Variants in XPO4 observed in about 807,000 individuals in gnomAD.
XPO4 encodes the protein exportin-4.
A neutral mutation model predicts 143.0 loss-of-function variants in XPO4; 39 were observed. The observed-to-expected ratio is 0.27, with a 90% CI of 0.21 to 0.36. The LOEUF is 0.36. Among genes scored for constraint, XPO4 ranks in the 10% least tolerant of loss-of-function variants. The pLI, the probability that XPO4 is intolerant of heterozygous loss-of-function variation, is 1.00. For missense variants in XPO4, 907 were observed against 1,348.0 expected (o/e 0.67, Z 5.12); for synonymous variants, 439 against 474.0 (o/e 0.93, Z 0.96).
chr13:20,826,950 T>C (rs1304839386), intron 7 of XPO4, 117 bp downstream of exon 7: 1 of 673,908 alleles, frequency 1.5e-6, no homozygotes. Flanking sequence ...GCCATACTGA[T>C]GAGAAGACAA....
chr13:20,813,077 A>C (rs1365065064), intron 9 of XPO4, among the ~76,000 whole-genome samples: 1 of 152,170 alleles, frequency 6.6e-6, no homozygotes, highest in Non-Finnish European at 1.5e-5. Flanking sequence ...GCGAAGGGGA[A>C]GCAAGCATGT....
chr13:20,887,813 A>T (rs1278108734), intron 1 of XPO4, among the ~76,000 whole-genome samples: 1 of 152,072 alleles, frequency 6.6e-6, no homozygotes, highest in Admixed American at 6.6e-5. Context: ...GTGAGCCAAC[A>T]TCATACCACG....
Position 20,880,207 on chromosome 13 carries a change from G to A in XPO4, c.70-11506C>T, listed in dbSNP as rs183801356. ...CCAGCACTTTGGGAGGCAAAGGCAG[G>A]TGGATCACGAGGTCAGGAGTTCAAG... On this transcript the variant is annotated intron_variant, in intron 1 of 22. Coordinates refer to ENST00000255305, the MANE Select transcript of XPO4 (RefSeq NM_022459.5). 7.9e-4 allele frequency among the ~76,000 whole-genome samples: 120 copies of A among 152,326 alleles called. 1 individual carries two copies. The highest frequency in any genetic ancestry group is 2.9e-3 in the African/African-American group (119 of 41,574).
chr13:20,853,096 C>G (rs2060105154), intron 4 of XPO4: 8 of 964,140 alleles, frequency 8.3e-6, no homozygotes, highest in Non-Finnish European at 8.6e-6. Context: ...TTTTGGAAGG[C>G]TGAGGCAAGA....
intron 6 of XPO4, among the ~76,000 whole-genome samples, chr13:20,837,047 C>A (rs2059924286): frequency 6.6e-6 from 1 of 152,156 alleles, no homozygotes; most frequent in South Asian, 2.1e-4. Context: ...GGGTATACCA[C>A]ATTTTATTTA....
rs1334721272 is a variant in XPO4, at chr13:20,780,768, G to C, written c.*2954C>G. On this transcript the variant is annotated 3_prime_UTR_variant, in exon 23 of 23. Transcript: ENST00000255305. ...GTCTTCTAACAGAGATGGCCACCCTGAAAGACCCAAATAATGGTGCTGGAA... is the reference window on the plus strand; with the variant it reads ...GTCTTCTAACAGAGATGGCCACCCTCAAAGACCCAAATAATGGTGCTGGAA... 1.3e-5 allele frequency: 2 copies of C among 152,204 alleles called. No individual in the cohort carries two copies. The highest frequency in any genetic ancestry group is 2.9e-5 in the Non-Finnish European group (2 of 68,046). The allele number at this position is 152,204 out of a possible 1,614,324, so 9.4% of individuals were successfully genotyped here.
rs2059149515 is a variant in XPO4, at chr13:20,782,035, C to CA, written c.*1686dup. The CA allele has an allele frequency of 6.6e-6, 1 of 152,206 alleles. No homozygotes were observed. 9.4% of individuals were successfully genotyped at this position (152,206 alleles called of 1,614,324 possible). ...CCCTTAATTGTGACTCAAAGCTAAT[C>CA]AAATTGAGAGAAATGTAAGTTATGG... On this transcript the variant is annotated 3_prime_UTR_variant, in exon 23 of 23. Transcript: ENST00000255305.
At chr13:20,898,560 CAA>C (rs1168258419) in intron 1 of XPO4, among the ~76,000 whole-genome samples, 1 of 150,420 alleles carries the variant, frequency 6.6e-6, no homozygotes, top group African/African-American at 2.4e-5. Flanking sequence ...AAGACTGTCT[CAA>C]AAGAAAAAGG....
At chr13:20,864,415 T>C (rs1289367330) in intron 2 of XPO4, among the ~76,000 whole-genome samples, 1 of 152,184 alleles carries the variant, frequency 6.6e-6, no homozygotes, top group African/African-American at 2.4e-5. Flanking sequence ...CGGAAATCCT[T>C]AACCATGGAT....
intron 1 of XPO4, among the ~76,000 whole-genome samples, chr13:20,870,570 A>C (rs1409593925): frequency 6.6e-6 from 1 of 152,088 alleles, no homozygotes; most frequent in Non-Finnish European, 1.5e-5. Context: ...TCTCTACTAA[A>C]AATACAAAAA....
intron 3 of XPO4, among the ~76,000 whole-genome samples, chr13:20,858,930 A>G (rs200478395): frequency 3.2e-4 from 2 of 6,156 alleles, no homozygotes; most frequent in East Asian, 0.038. Flanking sequence ...GTGTATATAT[A>G]TATATATATA....
At chr13:20,792,330 C>T (rs950055189) in intron 18 of XPO4, among the ~76,000 whole-genome samples, 2 of 152,092 alleles carry the variant, frequency 1.3e-5, no homozygotes, top group African/African-American at 2.4e-5. Flanking sequence ...CGGTGGCTCA[C>T]TCCTGTAATC....
chr13:20,851,987 A>G, intron 4 of XPO4: 1 of 985,374 alleles, frequency 1.0e-6, no homozygotes, highest in Non-Finnish European at 1.2e-6. Flanking sequence ...GGGGAAAGGA[A>G]GCAGAGAACT....
At chr13:20,886,526 C>A (rs1414250030) in intron 1 of XPO4, among the ~76,000 whole-genome samples, 1 of 151,650 alleles carries the variant, frequency 6.6e-6, no homozygotes, top group Admixed American at 6.6e-5. Context: ...GCAGGAGAAT[C>A]CCTTGAACCC....
At chr13:20,898,532 T>C (rs1216749345) in intron 1 of XPO4, among the ~76,000 whole-genome samples, 2 of 151,974 alleles carry the variant, frequency 1.3e-5, no homozygotes, top group Non-Finnish European at 2.9e-5. Flanking sequence ...GCCATTGCAC[T>C]CCAGCCTGGG....
At chr13:20,881,079 T>C (rs1406617868) in intron 1 of XPO4, among the ~76,000 whole-genome samples, 2 of 152,066 alleles carry the variant, frequency 1.3e-5, no homozygotes, top group Admixed American at 6.6e-5. Flanking sequence ...ATCTCACTTA[T>C]ATAAGGTAGT....
In XPO4 at chr13:20,858,079, G is replaced by A. The variant is rs74036462; in HGVS notation, c.318-2314C>T. ...TACAAGATACAAATATCTGTGTCATGAAAGGCAAAAAAGAGCACACAATTA... is the reference window on the plus strand; with the variant it reads ...TACAAGATACAAATATCTGTGTCATAAAAGGCAAAAAAGAGCACACAATTA... On this transcript the variant is annotated intron_variant, in intron 3 of 22. Transcript: ENST00000255305. 8.2e-3 allele frequency: 5,538 copies of A among 673,584 alleles called. 146 individuals carry two copies. Among genetic ancestry groups the A allele is most frequent in the Middle Eastern group, 0.062 (80 of 1,286 alleles). 41.7% of individuals were successfully genotyped at this position (673,584 alleles called of 1,614,324 possible).
At chr13:20,862,219 G>A (rs1305610925) in intron 3 of XPO4, among the ~76,000 whole-genome samples, 1 of 152,048 alleles carries the variant, frequency 6.6e-6, no homozygotes, top group Admixed American at 6.6e-5. Context: ...CCTCTACTAA[G>A]CATCAAAAGA....
chr13:20,778,393 T>C lies in XPO4; in HGVS notation c.*5329A>G, dbSNP rs2059105757. On this transcript the variant is annotated 3_prime_UTR_variant, in exon 23 of 23. Coordinates refer to ENST00000255305, the MANE Select transcript of XPO4 (RefSeq NM_022459.5). ...TAAAAATGAACATTTTAAAGATGCA[T>C]TTTCTTTAAAAATTAACTTTTCACT... is the stretch of plus-strand genomic sequence containing the variant. 1 of 152,196 alleles carries C rather than the reference T, an allele frequency of 6.6e-6. No homozygotes were observed. The highest frequency in any genetic ancestry group is 1.5e-5 in the Non-Finnish European group (1 of 68,028). The allele number at this position is 152,196 out of a possible 1,614,324, so 9.4% of individuals were successfully genotyped here. A position where few individuals can be genotyped will look rare whatever the true frequency, so the allele number is the denominator to read the frequency against.
Sources: gnomAD v4.1 joint callset for allele counts (sites outside exome capture counted in the v4.1 genomes callset) on GRCh38, gnomAD v4.1.1 for gene constraint, MANE v1.5 for transcripts, NCBI Gene and HGNC (gene_info 2026-07-23, HGNC 2026-07-21) for gene names.